The following ARID4B variants were observed in gnomAD, a reference collection of about 807,000 sequenced individuals.
ARID4B encodes the protein AT-rich interactive domain-containing protein 4B.
In ARID4B, 26 loss-of-function variants were observed where a neutral mutation model predicts 147.5. The ratio of observed to expected loss-of-function variants is 0.18; its 90% CI spans 0.13 to 0.24. The LOEUF (loss-of-function observed/expected upper bound fraction) is 0.24. Ranked by LOEUF, ARID4B falls within the 10% of genes least tolerant of loss-of-function variation. The probability of loss-of-function intolerance (pLI) is 1.00; values close to 1 mark genes in which losing one functional copy is unlikely to be tolerated. For missense variants in ARID4B, 1,179 were observed against 1,511.5 expected (o/e 0.78, Z 3.65); for synonymous variants, 512 against 507.9 (o/e 1.01, Z -0.11).
chr1:235,300,195 C>T (rs1219456811), intron 2 of ARID4B, among the ~76,000 whole-genome samples: 1 of 151,974 alleles, frequency 6.6e-6, no homozygotes, highest in Admixed American at 6.6e-5. Context: ...GCGGGCAAAC[C>T]GCTTGAGGTC....
At chr1:235,267,825 A>T (rs1259522356) in intron 2 of ARID4B, among the ~76,000 whole-genome samples, 1 of 151,920 alleles carries the variant, frequency 6.6e-6, no homozygotes, top group Non-Finnish European at 1.5e-5. Flanking sequence ...AATGGCATGA[A>T]CCTGGGAGGC....
At chr1:235,257,045 G>T (rs1201364013) in intron 4 of ARID4B, 115 bp downstream of exon 4, 1 of 754,056 alleles carries the variant, frequency 1.3e-6, no homozygotes, top group East Asian at 2.7e-5. Context: ...TCTTTTTAGA[G>T]AAAATTACAT....
At chr1:235,214,160 C>G in intron 16 of ARID4B, 134 bp from the exon 17 acceptor site, 4 of 1,092,632 alleles carry the variant, frequency 3.7e-6, no homozygotes, top group Middle Eastern at 3.2e-4. Context: ...ATGAAATTCT[C>G]AGAGTTTCAT....
Position 235,273,776 on chromosome 1 carries a change from T to C in ARID4B, c.7-13024A>G, listed in dbSNP as rs547233517. 3.3e-3 allele frequency among the ~76,000 whole-genome samples: 506 copies of C among 152,248 alleles called. 3 individuals carry two copies. Among genetic ancestry groups the C allele is most frequent in the African/African-American group, 0.011 (477 of 41,536 alleles). On this transcript the variant is annotated intron_variant, in intron 2 of 23. Coordinates refer to ENST00000264183, the MANE Select transcript of ARID4B (RefSeq NM_016374.6). ...TACAACTACACACTCAAAACACAAA[T>C]ATGGCACAGACTACTTTGGACTAGC...
intron 8 of ARID4B, among the ~76,000 whole-genome samples, chr1:235,235,444 C>A (rs1025692556): frequency 6.6e-6 from 1 of 152,106 alleles, no homozygotes; most frequent in African/African-American, 2.4e-5. Flanking sequence ...CCCTGATGAG[C>A]GAAGGATTTC....
chr1:235,200,666 C>T (rs1163315618), intron 17 of ARID4B, among the ~76,000 whole-genome samples: 1 of 152,044 alleles, frequency 6.6e-6, no homozygotes, highest in Non-Finnish European at 1.5e-5. Context: ...AGAACTACAA[C>T]AAAAAGCTAC....
intron 2 of ARID4B, among the ~76,000 whole-genome samples, chr1:235,324,582 A>G (rs1223008455): frequency 2.6e-5 from 4 of 152,222 alleles, no homozygotes; most frequent in Non-Finnish European, 5.9e-5. Context: ...CCCAAGTACA[A>G]ATATGTTTGG....
intron 8 of ARID4B, among the ~76,000 whole-genome samples, chr1:235,235,282 A>T (rs1347833489): frequency 3.3e-5 from 5 of 152,204 alleles, no homozygotes; most frequent in African/African-American, 9.6e-5. Context: ...TAGGTGGCTA[A>T]AAGACATCCA....
chr1:235,267,835 C>T (rs1049890718), intron 2 of ARID4B, among the ~76,000 whole-genome samples: 8 of 151,616 alleles, frequency 5.3e-5, no homozygotes, highest in African/African-American at 1.5e-4. Flanking sequence ...ACCTGGGAGG[C>T]GGAGCTTGCA....
At chr1:235,255,178 A>T (rs1469340361) in intron 5 of ARID4B, among the ~76,000 whole-genome samples, 1 of 147,512 alleles carries the variant, frequency 6.8e-6, no homozygotes, top group African/African-American at 2.5e-5. Context: ...TAGCACATCA[A>T]CTATTATAAA....
intron 3 of ARID4B, among the ~76,000 whole-genome samples, chr1:235,259,177 T>C (rs942077199): frequency 3.3e-5 from 5 of 152,212 alleles, no homozygotes; most frequent in African/African-American, 9.6e-5. Context: ...ATAGAGGCAG[T>C]AGAGTCCAGT....
chr1:235,178,636 T>C (rs1664056632), intron 20 of ARID4B, among the ~76,000 whole-genome samples: 2 of 152,250 alleles, frequency 1.3e-5, no homozygotes, highest in African/African-American at 4.8e-5. Context: ...AGCATTTTTC[T>C]ATACTACTCA....
intron 2 of ARID4B, among the ~76,000 whole-genome samples, chr1:235,303,599 G>T (rs1013209612): frequency 3.9e-5 from 6 of 152,038 alleles, no homozygotes; most frequent in African/African-American, 1.4e-4. Flanking sequence ...GCACATGTCT[G>T]TAATGCCAGC....
chr1:235,172,637 T>C lies in ARID4B; in HGVS notation c.3792A>G (p.Leu1264=), dbSNP rs760969725. The C allele has an allele frequency of 1.9e-6, 3 of 1,573,470 alleles. No individual in the cohort carries two copies. Among genetic ancestry groups the C allele is most frequent in the Non-Finnish European group, 2.6e-6 (3 of 1,165,522 alleles). Residue 1264 remains leucine, a synonymous_variant, in exon 23 of 24, where the codon TTA becomes TTG. Transcript: ENST00000264183. ...VASIDRRRKR[L]KKKERESAAT... ...ACTTACTTTCTCTCTCTTTCTTCTTTAAACGCTTTCTCCTCCGATCAATGG... is the reference window on the plus strand; with the variant it reads ...ACTTACTTTCTCTCTCTTTCTTCTTCAAACGCTTTCTCCTCCGATCAATGG...
intron 2 of ARID4B, among the ~76,000 whole-genome samples, chr1:235,275,889 C>A (rs1165205179): frequency 6.6e-6 from 1 of 152,194 alleles, no homozygotes; most frequent in Non-Finnish European, 1.5e-5. Context: ...GTAATCCCAA[C>A]ACGCTGGAAG....
Position 235,327,751 on chromosome 1 carries a change from C to G in ARID4B, c.-50+18G>C, listed in dbSNP as rs1469619309. 1 of 152,678 alleles carries G rather than the reference C, an allele frequency of 6.5e-6. No homozygotes were observed. Among genetic ancestry groups the G allele is most frequent in the East Asian group, 1.9e-4 (1 of 5,194 alleles). 9.5% of individuals were successfully genotyped at this position (152,678 alleles called of 1,614,324 possible). On this transcript the variant is annotated intron_variant, in intron 1 of 23. Transcript: ENST00000264183. ...AACCCCCTTAGGAGACCACGAAAGC[C>G]CCAGAAAATATCCCTACCTTCCTCG...
At chr1:235,252,044 AC>A (rs1331232892) in intron 6 of ARID4B, among the ~76,000 whole-genome samples, 1 of 152,210 alleles carries the variant, frequency 6.6e-6, no homozygotes, top group African/African-American at 2.4e-5. Context: ...TATGTAAAGC[AC>A]TTAGCAAAAT....
At chr1:235,175,690 C>T in intron 21 of ARID4B, 1 of 320,352 alleles carries the variant, frequency 3.1e-6, no homozygotes, top group Non-Finnish European at 5.8e-6. Context: ...TGGCTTTTTA[C>T]TCTATTATGT....
At position 235,240,215 on chromosome 1, in the gene ARID4B, C is replaced by T. The variant is rs143493581; in HGVS notation, c.585+98G>A. ...GAACTAAATAATGCTAAAAACATTT[C>T]CTCATTTTGTACCTATGAAAAACAT... On this transcript the variant is annotated intron_variant, in intron 8 of 23. Transcript: ENST00000264183. 46 of 1,098,272 alleles carry T rather than the reference C, an allele frequency of 4.2e-5. No homozygotes were observed. The East Asian group carries it at 1.1e-3, about 27-fold the overall frequency. The allele number at this position is 1,098,272 out of a possible 1,614,324, so 68.0% of individuals were successfully genotyped here.
Sources: gnomAD v4.1 joint callset for allele counts (sites outside exome capture counted in the v4.1 genomes callset) on GRCh38, gnomAD v4.1.1 for gene constraint, MANE v1.5 for transcripts, NCBI Gene and HGNC (gene_info 2026-07-23, HGNC 2026-07-21) for gene names.